PCDHGB2: variants seen among roughly 807,000 people sequenced by gnomAD.
PCDHGB2 encodes protocadherin gamma-B2.
In PCDHGB2, 55 loss-of-function variants were observed where a neutral mutation model predicts 59.3. That is an observed-to-expected ratio of 0.93 (90% CI 0.75 to 1.16). PCDHGB2 has a LOEUF of 1.16. Ranked by LOEUF, PCDHGB2 falls within the 50% of genes most tolerant of loss-of-function variation. The pLI is 0.00. For synonymous variants in PCDHGB2, 516 were observed against 512.0 expected (o/e 1.01, Z -0.11); for missense variants, 1,228 against 1,198.5 (o/e 1.02, Z -0.36).
intron 1 of PCDHGB2, among the ~76,000 whole-genome samples, chr5:141,445,567 T>C (rs1465765772): frequency 6.6e-6 from 1 of 152,142 alleles, no homozygotes; most frequent in Admixed American, 6.5e-5. Context: ...AGAGAAAGCT[T>C]ATAGTAGGGA....
At chr5:141,375,427 C>T in intron 1 of PCDHGB2, 2 of 1,613,978 alleles carry the variant, frequency 1.2e-6, no homozygotes, top group Non-Finnish European at 1.7e-6. Flanking sequence ...CCAACGACAA[C>T]CCGCCCACCT....
intron 1 of PCDHGB2, chr5:141,394,467 G>C (rs558211393): frequency 3.1e-6 from 5 of 1,614,120 alleles, no homozygotes; most frequent in African/African-American, 1.3e-5. Context: ...GAGCCTGTTC[G>C]TGCTGGACCA....
chr5:141,393,300 G>T (rs1357517904), intron 1 of PCDHGB2: 2 of 1,613,882 alleles, frequency 1.2e-6, no homozygotes, highest in Non-Finnish European at 1.7e-6. Context: ...CCCGGATGTG[G>T]GCGTGAACTC....
chr5:141,413,042 G>T, intron 1 of PCDHGB2: 1 of 857,566 alleles, frequency 1.2e-6, no homozygotes, highest in Non-Finnish European at 1.7e-6. Context: ...CTGCTGGGCT[G>T]CAGGGAAGCT....
chr5:141,458,848 T>C (rs1044462303), intron 1 of PCDHGB2, among the ~76,000 whole-genome samples: 1 of 152,182 alleles, frequency 6.6e-6, no homozygotes, highest in Non-Finnish European at 1.5e-5. Flanking sequence ...TCCTCCCACC[T>C]CAGCCTTCCA....
chr5:141,394,740 G>A (rs148904388), intron 1 of PCDHGB2: 174 of 1,613,404 alleles, frequency 1.1e-4, no homozygotes, highest in Non-Finnish European at 1.4e-4. Flanking sequence ...GCAGAGCCTC[G>A]TGGTGGCCGT....
intron 2 of PCDHGB2, among the ~76,000 whole-genome samples, chr5:141,496,500 C>T (rs1350421492): frequency 6.6e-6 from 1 of 152,162 alleles, no homozygotes; most frequent in Non-Finnish European, 1.5e-5. Flanking sequence ...ACCCTTGTTG[C>T]CACAAGGACC....
intron 1 of PCDHGB2, chr5:141,383,589 G>A (rs1199547727): frequency 1.2e-6 from 2 of 1,613,716 alleles, no homozygotes; most frequent in Admixed American, 3.3e-5. Context: ...ACATCCAGGT[G>A]ACAGTGGTGG....
At chr5:141,509,354 A>G (rs1229726913) in intron 3 of PCDHGB2, among the ~76,000 whole-genome samples, 2 of 152,144 alleles carry the variant, frequency 1.3e-5, no homozygotes, top group Non-Finnish European at 2.9e-5. Context: ...TGGCCTGGGC[A>G]TCCCTGAGGT....
chr5:141,401,725 T>C lies in PCDHGB2; in HGVS notation c.2421+39169T>C, dbSNP rs2094187242. Among the ~76,000 whole-genome samples the C allele has an allele frequency of 2.0e-5, 3 of 152,322 alleles. No individual in the cohort carries two copies. In the South Asian group the frequency reaches 6.2e-4, roughly 32 times the overall value. ...ATTCCATTTTTAAGACAAAAACTAC[T>C]AGTCTTGTGTACATACAAAGCTCCC... On this transcript the variant is annotated intron_variant, in intron 1 of 3. Coordinates refer to ENST00000522605, the MANE Select transcript of PCDHGB2 (RefSeq NM_018923.3).
At chr5:141,464,343 A>T (rs944042669) in intron 1 of PCDHGB2, among the ~76,000 whole-genome samples, 1 of 151,308 alleles carries the variant, frequency 6.6e-6, no homozygotes, top group South Asian at 2.1e-4. Flanking sequence ...ATGACTTGTC[A>T]TTTAGGTAGT....
At chr5:141,413,970 G>A in intron 1 of PCDHGB2, 1 of 1,613,450 alleles carries the variant, frequency 6.2e-7, no homozygotes, top group Non-Finnish European at 8.5e-7. Flanking sequence ...GCACTCAGCT[G>A]CTGACAGTCA....
At chr5:141,510,378 C>T (rs919650449) in intron 3 of PCDHGB2, among the ~76,000 whole-genome samples, 1 of 151,688 alleles carries the variant, frequency 6.6e-6, no homozygotes, top group African/African-American at 2.4e-5. Flanking sequence ...TCTACTCGTG[C>T]CAGGCCTTGC....
chr5:141,382,939 T>C (rs765145573), intron 1 of PCDHGB2: 3 of 1,594,910 alleles, frequency 1.9e-6, no homozygotes, highest in South Asian at 2.2e-5. Context: ...CAGAGGATTC[T>C]TCCTGCTCTC....
At chr5:141,382,862 C>T (rs1026124728) in intron 1 of PCDHGB2, 2 of 1,514,358 alleles carry the variant, frequency 1.3e-6, no homozygotes, top group Non-Finnish European at 1.8e-6. Context: ...TGAAGCACTT[C>T]CCGAGATCGG....
intron 1 of PCDHGB2, chr5:141,375,931 T>G (rs746995876): frequency 2.5e-6 from 4 of 1,613,540 alleles, no homozygotes; most frequent in Non-Finnish European, 3.4e-6. Context: ...AGCCAGGACT[T>G]TTCTCAGTGG....
chr5:141,425,528 C>CA (rs890632943), intron 1 of PCDHGB2, among the ~76,000 whole-genome samples: 1 of 152,200 alleles, frequency 6.6e-6, no homozygotes, highest in African/African-American at 2.4e-5. Context: ...AAACATGAAA[C>CA]AATAATCCTT....
intron 1 of PCDHGB2, chr5:141,391,305 T>TC (rs1349412285): frequency 6.6e-6 from 1 of 151,546 alleles, no homozygotes; most frequent in African/African-American, 2.4e-5. Flanking sequence ...GTCTTTCGAT[T>TC]CTTTTTTTTT....
At chr5:141,495,463 G>T (rs1562169154) in intron 2 of PCDHGB2, among the ~76,000 whole-genome samples, 1 of 152,114 alleles carries the variant, frequency 6.6e-6, no homozygotes, top group Non-Finnish European at 1.5e-5. Context: ...TCTGTCTGTG[G>T]GGTCTCCGTG....
Sources: gnomAD v4.1 joint callset for allele counts (sites outside exome capture counted in the v4.1 genomes callset) on GRCh38, gnomAD v4.1.1 for gene constraint, MANE v1.5 for transcripts, NCBI Gene and HGNC (gene_info 2026-07-23, HGNC 2026-07-21) for gene names.